ZP3: variants seen among roughly 807,000 people sequenced by gnomAD.
ZP3 encodes the protein zona pellucida glycoprotein 3.
Under a neutral mutation model 35.6 loss-of-function variants are expected in ZP3, and 21 were observed. That is an observed-to-expected ratio of 0.59 (90% CI 0.42 to 0.85). The LOEUF (loss-of-function observed/expected upper bound fraction) is 0.85. Among genes scored for constraint, ZP3 ranks in the 40% least tolerant of loss-of-function variants. The pLI is 0.00. For synonymous variants in ZP3, 207 were observed against 214.5 expected (o/e 0.96, Z 0.31); for missense variants, 437 against 536.5 (o/e 0.81, Z 1.83).
intron 4 of ZP3, 48 bp downstream of exon 4, chr7:76,433,695 C>G (rs201240513): frequency 4.5e-6 from 7 of 1,541,456 alleles, no homozygotes; most frequent in Non-Finnish European, 6.1e-6. Context: ...CAAAATGACC[C>G]TAAAGCCACC....
chr7:76,436,882 G>T (rs1430128624), intron 5 of ZP3, among the ~76,000 whole-genome samples: 2 of 152,240 alleles, frequency 1.3e-5, no homozygotes, highest in Non-Finnish European at 2.9e-5. Context: ...ATCTCTGGGG[G>T]TTGAGGGGTA....
chr7:76,429,313 C>G, intron 1 of ZP3: 1 of 564,876 alleles, frequency 1.8e-6, no homozygotes, highest in Non-Finnish European at 3.2e-6. Context: ...CTATGTTTCC[C>G]AGGCCAGTCT....
intron 1 of ZP3, among the ~76,000 whole-genome samples, chr7:76,411,681 C>T (rs369269723): frequency 1.3e-5 from 2 of 152,214 alleles, no homozygotes; most frequent in Non-Finnish European, 2.9e-5. Context: ...AACTGGGTTC[C>T]TCACACATTG....
chr7:76,426,430 C>T (rs1554624924), intron 1 of ZP3, among the ~76,000 whole-genome samples: 2 of 152,330 alleles, frequency 1.3e-5, no homozygotes, highest in South Asian at 2.1e-4. Context: ...GGCCTAGACC[C>T]AGTAGCTTGC....
At chr7:76,427,593 C>T (rs1268708735) in intron 1 of ZP3, among the ~76,000 whole-genome samples, 1 of 151,698 alleles carries the variant, frequency 6.6e-6, no homozygotes, top group Non-Finnish European at 1.5e-5. Context: ...GGGCCCAGTG[C>T]TTAATGGAAT....
Sources: gnomAD v4.1 joint callset for allele counts (sites outside exome capture counted in the v4.1 genomes callset) on GRCh38, gnomAD v4.1.1 for gene constraint, MANE v1.5 for transcripts, NCBI Gene and HGNC (gene_info 2026-07-23, HGNC 2026-07-21) for gene names.